Variants in POLG2 observed in about 807,000 individuals in gnomAD.
The protein encoded by POLG2 is DNA polymerase subunit gamma-2.
A neutral mutation model predicts 56.5 loss-of-function variants in POLG2; 50 were observed. That is an observed-to-expected ratio of 0.88 (90% confidence interval 0.71 to 1.12). The LOEUF is 1.12. Ranked by LOEUF, POLG2 falls within the 50% of genes most tolerant of loss-of-function variation. The probability of loss-of-function intolerance (pLI) is 0.00; values close to 1 mark genes in which losing one functional copy is unlikely to be tolerated. For synonymous variants in POLG2, 226 were observed against 222.6 expected, an observed-to-expected ratio of 1.02 and a Z score of -0.14; for missense variants, 584 against 583.3, an observed-to-expected ratio of 1.00 and a Z score of -0.01.
intron 5 of POLG2, among the ~76,000 whole-genome samples, chr17:64,484,458 G>A (rs2037917738): frequency 6.6e-6 from 1 of 152,172 alleles, no homozygotes; most frequent in South Asian, 2.1e-4. Flanking sequence ...CAAAAAGAGG[G>A]CTTCGGTTTT....
rs1555669699 is a variant in POLG2 at position 64,496,999 on chromosome 17, C to A, written c.-31G>T. On this transcript the variant is annotated 5_prime_UTR_variant, in exon 1 of 8. It removes an upstream start codon present in the reference 5' UTR. Coordinates refer to ENST00000539111, the MANE Select transcript of POLG2 (RefSeq NM_007215.4). The stretch of plus-strand genomic sequence containing the variant: ...TCCGAAGTTAAAGAGCACACTCTCC[C>A]ATCACTCAACGGATCCCAACAAGCC... The A allele has an allele frequency of 6.3e-7, 1 of 1,578,392 alleles. No homozygotes were observed. The highest frequency in any genetic ancestry group is 1.1e-5 in the South Asian group (1 of 90,600).
At chr17:64,493,643 C>A (rs1475031865) in intron 1 of POLG2, among the ~76,000 whole-genome samples, 1 of 151,978 alleles carries the variant, frequency 6.6e-6, no homozygotes, top group Non-Finnish European at 1.5e-5. Flanking sequence ...CGCCACCACG[C>A]CCGGCTAATT....
intron 4 of POLG2, 177 bp downstream of exon 4, chr17:64,490,619 C>T: frequency 1.6e-6 from 1 of 624,652 alleles, no homozygotes; most frequent in South Asian, 1.8e-5. Flanking sequence ...TAGTGGATTA[C>T]TGTTAATTTC....
At position 64,493,416 on chromosome 17, in the gene POLG2, T is replaced by TA. The variant is rs1193749984; in HGVS notation, c.563-396dup. 3.4e-4 allele frequency among the ~76,000 whole-genome samples: 51 copies of TA among 149,844 alleles called. 1 individual carries two copies. Among genetic ancestry groups the TA allele is most frequent in the Middle Eastern group, 3.4e-3 (1 of 290 alleles). On this transcript the variant is annotated intron_variant, in intron 1 of 7. Coordinates refer to ENST00000539111, the MANE Select transcript of POLG2 (RefSeq NM_007215.4). ...TGGGCAACAGAGTGAAACCCTGTCT[T>TA]AAAAAAAAACAAAAAAAGACAGATC... is the stretch of plus-strand genomic sequence containing the variant.
rs1568083124 is a variant in POLG2, at chr17:64,483,016, G to A, written c.1111-17C>T. On this transcript the variant is annotated splice_polypyrimidine_tract_variant and intron_variant, in intron 5 of 7. Coordinates refer to ENST00000539111, the MANE Select transcript of POLG2 (RefSeq NM_007215.4). ...TTTAAGTACCTAAGGCAATTAAATGGGGGAGGGAGAAGACAGGAAAGGGGA... is the reference window on the plus strand; with the variant it reads ...TTTAAGTACCTAAGGCAATTAAATGAGGGAGGGAGAAGACAGGAAAGGGGA... 1.4e-6 allele frequency: 2 copies of A among 1,390,260 alleles called. No individual in the cohort carries two copies. The highest frequency in any genetic ancestry group is 1.8e-4 in the Middle Eastern group (1 of 5,586). 86.1% of individuals were successfully genotyped at this position (1,390,260 alleles called of 1,614,324 possible).
At chr17:64,496,296 C>G (rs1362023043) in intron 1 of POLG2, 111 bp downstream of exon 1, 3 of 718,882 alleles carry the variant, frequency 4.2e-6, no homozygotes, top group African/African-American at 3.5e-5. Flanking sequence ...TGAGAACTAA[C>G]TAACTTCCTT....
intron 3 of POLG2, among the ~76,000 whole-genome samples, chr17:64,492,183 T>C (rs1555668643): frequency 6.6e-6 from 1 of 152,236 alleles, no homozygotes; most frequent in Non-Finnish European, 1.5e-5. Flanking sequence ...CTCGTGATTA[T>C]TTCATACAGT....
At chr17:64,484,680 G>A (rs1396738360) in intron 5 of POLG2, among the ~76,000 whole-genome samples, 2 of 152,136 alleles carry the variant, frequency 1.3e-5, no homozygotes, top group African/African-American at 4.8e-5. Context: ...GAAGTGGAGT[G>A]TAAGAAAAAG....
intron 4 of POLG2, chr17:64,490,372 A>G (rs1555668270): frequency 4.3e-6 from 1 of 234,436 alleles, no homozygotes; most frequent in East Asian, 1.1e-4. Context: ...CCACTTCTGT[A>G]GTACTCCCGA....
chr17:64,490,984 T>A lies in POLG2; in HGVS notation c.796-15A>T. 1.2e-6 allele frequency: 2 copies of A among 1,603,588 alleles called. No homozygotes were observed. ...CTCATGGCAAACTGGAAAAGAAAATTTAAGTTTGTCTTAACATATTTAAAT... is the reference window on the plus strand; with the variant it reads ...CTCATGGCAAACTGGAAAAGAAAATATAAGTTTGTCTTAACATATTTAAAT... On this transcript the variant is annotated splice_polypyrimidine_tract_variant and intron_variant, in intron 3 of 7. Coordinates refer to ENST00000539111, the MANE Select transcript of POLG2 (RefSeq NM_007215.4).
intron 5 of POLG2, 112 bp from the exon 6 acceptor site, chr17:64,483,111 C>T (rs1555666837): frequency 1.6e-6 from 1 of 611,086 alleles, no homozygotes; most frequent in Non-Finnish European, 3.0e-6. Flanking sequence ...AGTTTCTTAA[C>T]AGTTATAATT....
intron 1 of POLG2, among the ~76,000 whole-genome samples, chr17:64,495,734 G>C (rs889493374): frequency 3.3e-5 from 5 of 151,394 alleles, no homozygotes; most frequent in African/African-American, 1.2e-4. Flanking sequence ...TTAAGACGGA[G>C]TTTTGCTCTT....
chr17:64,491,687 G>C (rs1555668499), intron 3 of POLG2: 1 of 1,155,432 alleles, frequency 8.7e-7, no homozygotes, highest in Non-Finnish European at 1.3e-6. Context: ...TGAAGAAGGG[G>C]AGCATCTCGG....
Position 64,496,806 on chromosome 17 carries a change from C to G in POLG2, c.163G>C (p.Glu55Gln), listed in dbSNP as rs782180971. 2 of 1,613,852 alleles carry G rather than the reference C, an allele frequency of 1.2e-6. No individual in the cohort carries two copies. Among genetic ancestry groups the G allele is most frequent in the African/African-American group, 2.7e-5 (2 of 75,038 alleles). Residue 55 changes from glutamate to glutamine, a missense_variant, in exon 1 of 8, where the codon GAG (glutamate) becomes CAG (glutamine). Glu to Gln is a conservative substitution (Grantham distance 29). Transcript: ENST00000539111. ...KSHAELEGNG[E>Q]HPEAPGSGEG... is the part of the protein sequence containing the mutation. The stretch of plus-strand genomic sequence containing the variant: ...CCAGACCCGGGGGCTTCTGGGTGCT[C>G]GCCGTTCCCCTCGAGCTCCGCGTGC...
intron 1 of POLG2, among the ~76,000 whole-genome samples, chr17:64,494,976 A>T (rs1269447528): frequency 6.6e-6 from 1 of 151,158 alleles, no homozygotes; most frequent in Non-Finnish European, 1.5e-5. Flanking sequence ...GATAGAGACC[A>T]TCCTGGCTAA....
rs2037887941 is a variant in POLG2, at chr17:64,483,015, G to A, written c.1111-16C>T. The A allele has an allele frequency of 1.4e-6, 2 of 1,386,408 alleles. No individual in the cohort carries two copies. The highest frequency in any genetic ancestry group is 2.9e-5 in the African/African-American group (2 of 69,978). 85.9% of individuals were successfully genotyped at this position (1,386,408 alleles called of 1,614,324 possible). A position where few individuals can be genotyped will look rare whatever the true frequency, so the allele number is the denominator to read the frequency against. On this transcript the variant is annotated splice_polypyrimidine_tract_variant and intron_variant, in intron 5 of 7. Coordinates refer to ENST00000539111, the MANE Select transcript of POLG2 (RefSeq NM_007215.4). The stretch of plus-strand genomic sequence containing the variant: ...GTTTAAGTACCTAAGGCAATTAAAT[G>A]GGGGAGGGAGAAGACAGGAAAGGGG...
chr17:64,482,869 G>T, intron 6 of POLG2, 50 bp downstream of exon 6: 1 of 1,078,392 alleles, frequency 9.3e-7, no homozygotes, highest in Non-Finnish European at 1.4e-6. Flanking sequence ...AGCGTTTTTG[G>T]ATAATACTCA....
chr17:64,496,807 G>C lies in POLG2; in HGVS notation c.162C>G (p.Gly54=), dbSNP rs200431365. 1 of 1,613,690 alleles carries C rather than the reference G, an allele frequency of 6.2e-7. No individual in the cohort carries two copies. Among genetic ancestry groups the C allele is most frequent in the Middle Eastern group, 1.6e-4 (1 of 6,062 alleles). ...CAGACCCGGGGGCTTCTGGGTGCTC[G>C]CCGTTCCCCTCGAGCTCCGCGTGCG... ...VKSHAELEGN[G]EHPEAPGSGE... Residue 54 remains glycine, a synonymous_variant, in exon 1 of 8, where the codon GGC becomes GGG. Transcript: ENST00000539111.
At chr17:64,493,092 A>G in intron 1 of POLG2, 71 bp from the exon 2 acceptor site, 2 of 1,472,508 alleles carry the variant, frequency 1.4e-6, no homozygotes, top group East Asian at 2.3e-5. Context: ...CAATAGACAC[A>G]TTAATAGTAG....
Sources: allele counts gnomAD v4.1 joint callset (sites outside exome capture counted in the v4.1 genomes callset), GRCh38; gene constraint gnomAD v4.1.1; transcripts MANE v1.5; gene names NCBI Gene and HGNC (gene_info 2026-07-23, HGNC 2026-07-21).